The following NUP214 variants were observed in gnomAD, a reference collection of about 807,000 sequenced individuals.
The protein encoded by NUP214 is nuclear pore complex protein Nup214.
In NUP214, 79 loss-of-function variants were observed where a neutral mutation model predicts 196.2. The ratio of observed to expected loss-of-function variants is 0.40; its 90% confidence interval spans 0.34 to 0.49. The LOEUF (loss-of-function observed/expected upper bound fraction) is 0.49. NUP214 is among the 20% of genes least tolerant of loss of function. The probability of loss-of-function intolerance (pLI) is 0.58; values close to 1 mark genes in which losing one functional copy is unlikely to be tolerated. For missense variants in NUP214, 2,468 were observed against 2,539.0 expected (o/e 0.97, Z 0.60); for synonymous variants, 1,020 against 990.5 (o/e 1.03, Z -0.56).
chr9:131,173,403 C>G (rs979761114), intron 21 of NUP214, among the ~76,000 whole-genome samples: 2 of 138,662 alleles, frequency 1.4e-5, no homozygotes, highest in African/African-American at 5.6e-5. Flanking sequence ...ACTCTGTTAC[C>G]CTATTTTTTG....
chr9:131,203,656 G>T lies in NUP214; in HGVS notation c.5592+1939G>T, dbSNP rs1435768258. ...AACTTCTGATTTCCAGTTTCTGGTA[G>T]TAGAGGACTAAGTCATTCAAGGGAA... On this transcript the variant is annotated intron_variant, in intron 30 of 35. Transcript: ENST00000359428. Among the ~76,000 whole-genome samples, 3 of 152,166 alleles carry T rather than the reference G, an allele frequency of 2.0e-5. No individual in the cohort carries two copies. In the East Asian group the frequency reaches 5.8e-4, roughly 29 times the overall value.
At chr9:131,159,940 A>G (rs1832581010) in intron 18 of NUP214, among the ~76,000 whole-genome samples, 2 of 152,034 alleles carry the variant, frequency 1.3e-5, no homozygotes, top group Admixed American at 6.6e-5. Flanking sequence ...ATATTTTTCT[A>G]TAGAAACAAC....
chr9:131,152,331 A>C (rs138497189), intron 17 of NUP214, among the ~76,000 whole-genome samples: 7 of 152,062 alleles, frequency 4.6e-5, no homozygotes, highest in Admixed American at 4.6e-4. Context: ...TGCCCAGCCC[A>C]GCTGGTCTTG....
chr9:131,132,334 G>T (rs1347764619), intron 5 of NUP214, among the ~76,000 whole-genome samples: 1 of 151,844 alleles, frequency 6.6e-6, no homozygotes, highest in Non-Finnish European at 1.5e-5. Context: ...GGCTAGTCTC[G>T]AACTCCTGAC....
chr9:131,190,334 GAATCAAAGAA>G, intron 26 of NUP214: 1 of 592,718 alleles, frequency 1.7e-6, no homozygotes, highest in Non-Finnish European at 3.0e-6. Context: ...CTTGGAGTTA[GAATCAAAGAA>G]ACCTAAGGAA....
intron 21 of NUP214, among the ~76,000 whole-genome samples, chr9:131,169,863 C>G (rs1018052746): frequency 4.6e-5 from 7 of 152,164 alleles, no homozygotes; most frequent in African/African-American, 1.7e-4. Flanking sequence ...CTGACTCCTG[C>G]TCTAGAATGT....
chr9:131,169,796 G>A (rs1588144259), intron 21 of NUP214, among the ~76,000 whole-genome samples: 1 of 152,296 alleles, frequency 6.6e-6, no homozygotes, highest in African/African-American at 2.4e-5. Flanking sequence ...GCATGTCTGT[G>A]TTTCAGCAAA....
chr9:131,145,260 G>A (rs185493814), intron 12 of NUP214, among the ~76,000 whole-genome samples: 1 of 152,194 alleles, frequency 6.6e-6, no homozygotes, highest in East Asian at 1.9e-4. Context: ...TTGGTATCCA[G>A]TTTCCTCCAG....
chr9:131,179,827 C>G (rs1304203039), intron 24 of NUP214, among the ~76,000 whole-genome samples: 15 of 152,146 alleles, frequency 9.9e-5, no homozygotes, highest in African/African-American at 3.6e-4. Flanking sequence ...CCTTGGTATG[C>G]TGTTTAGACC....
At chr9:131,161,722 A>G (rs188304427) in intron 18 of NUP214, among the ~76,000 whole-genome samples, 2 of 152,320 alleles carry the variant, frequency 1.3e-5, no homozygotes, top group Admixed American at 6.5e-5. Flanking sequence ...CAAAATATAC[A>G]TAGAGTCACT....
intron 30 of NUP214, among the ~76,000 whole-genome samples, chr9:131,202,243 C>T (rs1382426735): frequency 1.3e-5 from 2 of 152,146 alleles, no homozygotes; most frequent in East Asian, 3.9e-4. Flanking sequence ...TATCAGTCCC[C>T]TGCCTGTTAG....
Position 131,201,666 on chromosome 9 carries a change from T to C in NUP214, c.5541T>C (p.Thr1847=). The change falls in exon 30 of 36, where the codon ACT becomes ACC. Residue 1847 remains threonine (T), a synonymous_variant. Transcript: ENST00000359428. ...TTACAGGTTTTGGGTCTAGTAATACTGGTTCTGTGTTTGGTCAAGCAGCCA... is the reference window on the plus strand; with the variant it reads ...TTACAGGTTTTGGGTCTAGTAATACCGGTTCTGTGTTTGGTCAAGCAGCCA... ...CQASGFGSSN[T]GSVFGQAAST... is the part of the protein sequence containing the mutation. 6.2e-7 allele frequency: 1 copy of C among 1,614,128 alleles called. No individual in the cohort carries two copies. Among genetic ancestry groups the C allele is most frequent in the East Asian group, 2.2e-5 (1 of 44,890 alleles).
chr9:131,137,712 G>A (rs1831778821), intron 9 of NUP214, among the ~76,000 whole-genome samples: 1 of 152,044 alleles, frequency 6.6e-6, no homozygotes, highest in African/African-American at 2.4e-5. Flanking sequence ...AACACGCCTG[G>A]CTAATTTTTG....
intron 9 of NUP214, among the ~76,000 whole-genome samples, chr9:131,137,781 C>T (rs972614949): frequency 1.3e-5 from 2 of 152,050 alleles, no homozygotes; most frequent in African/African-American, 4.8e-5. Flanking sequence ...AAACTCCTGA[C>T]CTCAGGTGAT....
chr9:131,173,019 G>A (rs765422685), intron 21 of NUP214, among the ~76,000 whole-genome samples: 21 of 152,112 alleles, frequency 1.4e-4, no homozygotes, highest in Non-Finnish European at 2.6e-4. Flanking sequence ...ACAGAAGGCC[G>A]GGATTCAGTT....
Position 131,163,194 on chromosome 9 carries a change from C to T in NUP214, c.2723+21C>T, listed in dbSNP as rs116649775. 4.5e-4 allele frequency: 709 copies of T among 1,591,130 alleles called. 6 individuals carry two copies. In the African/African-American group the frequency reaches 8.4e-3, roughly 19 times the overall value. On this transcript the variant is annotated intron_variant, in intron 19 of 35. Transcript: ENST00000359428. ...CACAGGTGTGGAGAGGACTTGCACT[C>T]AATAAATATGGGTGAATGAATGCAT...
At chr9:131,185,916 CAATTG>C (rs1439846104) in intron 24 of NUP214, among the ~76,000 whole-genome samples, 2 of 152,200 alleles carry the variant, frequency 1.3e-5, no homozygotes, top group South Asian at 2.1e-4. Context: ...TATCATGTCA[CAATTG>C]AATTCTGGCT....
At chr9:131,138,132 T>C (rs1564179969) in intron 9 of NUP214, among the ~76,000 whole-genome samples, 1 of 151,338 alleles carries the variant, frequency 6.6e-6, no homozygotes. Flanking sequence ...CTTGCTTGCT[T>C]TCTCTCTCTC....
chr9:131,209,436 G>C (rs1834175399), intron 30 of NUP214, among the ~76,000 whole-genome samples: 1 of 152,180 alleles, frequency 6.6e-6, no homozygotes, highest in African/African-American at 2.4e-5. Flanking sequence ...TGTCGCCCAT[G>C]CTGGAGTGCA....
Sources: allele counts gnomAD v4.1 joint callset (sites outside exome capture counted in the v4.1 genomes callset), GRCh38; gene constraint gnomAD v4.1.1; transcripts MANE v1.5; gene names NCBI Gene and HGNC (gene_info 2026-07-23, HGNC 2026-07-21).